Variants in XYLT1 observed in about 807,000 individuals in gnomAD.
The protein encoded by XYLT1 is beta-D-xylosyltransferase 1.
A neutral mutation model predicts 91.3 loss-of-function variants in XYLT1; 36 were observed. The ratio of observed to expected loss-of-function variants is 0.39; its 90% confidence interval spans 0.30 to 0.52. The LOEUF (loss-of-function observed/expected upper bound fraction) is 0.52, where lower values mean the gene tolerates loss of function less well. Ranked by LOEUF, XYLT1 falls within the 20% of genes least tolerant of loss-of-function variation. The pLI, the probability that XYLT1 is intolerant of heterozygous loss-of-function variation, is 0.68. For missense variants in XYLT1, 1,242 were observed against 1,284.5 expected, an observed-to-expected ratio of 0.97 and a Z score of 0.51; for synonymous variants, 588 against 532.0, an observed-to-expected ratio of 1.11 and a Z score of -1.45.
chr16:17,215,675 C>T (rs1225610927), intron 3 of XYLT1, among the ~76,000 whole-genome samples: 2 of 152,018 alleles, frequency 1.3e-5, no homozygotes, highest in African/African-American at 4.8e-5. Flanking sequence ...CTACAATTGA[C>T]AGGTTGAGTG....
intron 2 of XYLT1, among the ~76,000 whole-genome samples, chr16:17,266,316 C>A (rs748074983): frequency 2.0e-5 from 3 of 152,178 alleles, no homozygotes; most frequent in Non-Finnish European, 2.9e-5. Context: ...CTGAATCGAT[C>A]AAGCATAGAA....
chr16:17,246,862 TAC>T (rs918529757), intron 3 of XYLT1, among the ~76,000 whole-genome samples: 2 of 152,116 alleles, frequency 1.3e-5, no homozygotes, highest in African/African-American at 4.8e-5. Context: ...CAGTGTGGGC[TAC>T]AGAGCACTCC....
At chr16:17,224,786 G>A (rs1233894077) in intron 3 of XYLT1, among the ~76,000 whole-genome samples, 3 of 152,132 alleles carry the variant, frequency 2.0e-5, no homozygotes, top group Admixed American at 6.5e-5. Flanking sequence ...CTCTTGTAGC[G>A]AGGTGCATGA....
chr16:17,128,595 T>C (rs2030346615), intron 9 of XYLT1, among the ~76,000 whole-genome samples: 1 of 152,344 alleles, frequency 6.6e-6, no homozygotes. Context: ...TCACAGTCCT[T>C]ACCACTTACA....
chr16:17,443,042 C>G (rs543758852), intron 1 of XYLT1, among the ~76,000 whole-genome samples: 35 of 152,216 alleles, frequency 2.3e-4, no homozygotes, highest in African/African-American at 8.4e-4. Flanking sequence ...TTGGAGCAGA[C>G]CGCTTGGGTG....
chr16:17,438,877 G>C (rs922644776), intron 1 of XYLT1, among the ~76,000 whole-genome samples: 4 of 151,988 alleles, frequency 2.6e-5, no homozygotes, highest in Non-Finnish European at 5.9e-5. Flanking sequence ...TCAACACTGG[G>C]AATTACAATT....
At chr16:17,256,883 A>C (rs1453972781) in intron 3 of XYLT1, among the ~76,000 whole-genome samples, 1 of 152,090 alleles carries the variant, frequency 6.6e-6, no homozygotes, top group Non-Finnish European at 1.5e-5. Context: ...AGCTGGCTTG[A>C]TTCTCTGACT....
At chr16:17,270,396 G>A (rs2033871669) in intron 2 of XYLT1, among the ~76,000 whole-genome samples, 1 of 152,130 alleles carries the variant, frequency 6.6e-6, no homozygotes, top group African/African-American at 2.4e-5. Context: ...ACCCCACCAG[G>A]GGGACATGAC....
At chr16:17,258,901 G>A (rs2033676106) in intron 3 of XYLT1, 87 bp downstream of exon 3, 1 of 1,388,476 alleles carries the variant, frequency 7.2e-7, no homozygotes, top group Non-Finnish European at 9.4e-7. Flanking sequence ...TTTCTCAGAA[G>A]GTCTGAGAAG....
chr16:17,186,087 G>A (rs529265402), intron 5 of XYLT1, among the ~76,000 whole-genome samples: 2 of 152,126 alleles, frequency 1.3e-5, no homozygotes, highest in South Asian at 2.1e-4. Flanking sequence ...GATCTGGAAC[G>A]GAACTCTAGA....
intron 3 of XYLT1, among the ~76,000 whole-genome samples, chr16:17,233,693 T>C (rs1312060843): frequency 6.6e-6 from 1 of 152,140 alleles, no homozygotes; most frequent in Non-Finnish European, 1.5e-5. Flanking sequence ...AGAATAATAA[T>C]TGGAAGAGTG....
At chr16:17,390,425 C>T (rs2035802758) in intron 1 of XYLT1, among the ~76,000 whole-genome samples, 1 of 152,218 alleles carries the variant, frequency 6.6e-6, no homozygotes. Flanking sequence ...ATGGAGGAGG[C>T]ACCTTCAATG....
In XYLT1 at chr16:17,108,728, C is replaced by T; in HGVS notation, c.2847G>A (p.Leu949=). 6.3e-7 allele frequency: 1 copy of T among 1,593,368 alleles called. No homozygotes were observed. The highest frequency in any genetic ancestry group is 1.1e-5 in the South Asian group (1 of 90,036). ...SSFSPDPKSE[L]GAVKPDGRLR The stretch of plus-strand genomic sequence containing the variant: ...GCCGGCCATCAGGTTTGACTGCCCC[C>T]AGCTCCGACTTGGGGTCAGGGCTGA... The change falls in exon 12 of 12, where the codon CTG becomes CTA. Residue 949 remains leucine (L), a synonymous_variant. Transcript: ENST00000261381.
intron 1 of XYLT1, among the ~76,000 whole-genome samples, chr16:17,409,477 G>A (rs943042083): frequency 7.9e-5 from 12 of 151,958 alleles, no homozygotes; most frequent in African/African-American, 2.9e-4. Context: ...AGAAAAGATG[G>A]GGGTGGCCAC....
At chr16:17,195,758 T>G (rs1465818649) in intron 5 of XYLT1, among the ~76,000 whole-genome samples, 1 of 152,184 alleles carries the variant, frequency 6.6e-6, no homozygotes, top group Non-Finnish European at 1.5e-5. Flanking sequence ...TCTTCCTTGC[T>G]TTATGGCTTG....
rs373631554 is a variant in XYLT1, at chr16:17,138,546, G to A, written c.1588-15C>T. ...TGGAAGAAGGACTGCAGGGGAGAGA[G>A]GGACCCAGCCTGAGACCTCTCCCAG... is the stretch of plus-strand genomic sequence containing the variant. On this transcript the variant is annotated splice_polypyrimidine_tract_variant and intron_variant, in intron 7 of 11. Transcript: ENST00000261381. 1.2e-6 allele frequency: 2 copies of A among 1,611,216 alleles called. No individual in the cohort carries two copies. Among genetic ancestry groups the A allele is most frequent in the South Asian group, 1.1e-5 (1 of 91,042 alleles).
chr16:17,364,450 C>T (rs534564135), intron 1 of XYLT1, among the ~76,000 whole-genome samples: 85 of 152,140 alleles, frequency 5.6e-4, no homozygotes, highest in Non-Finnish European at 1.1e-3. Flanking sequence ...AAATACTGTA[C>T]ATAGTTACAA....
chr16:17,103,907 CACAAA>C lies in XYLT1; in HGVS notation c.*4783_*4787del, dbSNP rs550645810. 1.6e-4 allele frequency: 24 copies of C among 152,586 alleles called. No homozygotes were observed. The highest frequency in any genetic ancestry group is 2.6e-4 in the Non-Finnish European group (18 of 68,250). The allele number at this position is 152,586 out of a possible 1,614,324, so 9.5% of individuals were successfully genotyped here. A position where few individuals can be genotyped will look rare whatever the true frequency, so the allele number is the denominator to read the frequency against. On this transcript the variant is annotated 3_prime_UTR_variant, in exon 12 of 12. Transcript: ENST00000261381. ...TACAGTATCTTGTTTGCAAGGTAAA[CACAAA>C]ACAAAACAAAACAAAACAAAAAAAC...
chr16:17,358,130 C>CTTTT, intron 1 of XYLT1, 80 bp from the exon 2 acceptor site: 26 of 1,118,186 alleles, frequency 2.3e-5, no homozygotes, highest in South Asian at 3.3e-5. Context: ...TCTTTCTTTC[C>CTTTT]TTTTTTTTTT....
Sources: allele counts gnomAD v4.1 joint callset (sites outside exome capture counted in the v4.1 genomes callset), GRCh38; gene constraint gnomAD v4.1.1; transcripts MANE v1.5; gene names NCBI Gene and HGNC (gene_info 2026-07-23, HGNC 2026-07-21).